The following KDM1B variants were observed in gnomAD, a reference collection of about 807,000 sequenced individuals.
KDM1B encodes the protein lysine demethylase 1B, also known as lysine-specific histone demethylase 2.
A neutral mutation model predicts 107.4 loss-of-function variants in KDM1B; 63 were observed. The ratio of observed to expected loss-of-function variants is 0.59; its 90% CI spans 0.48 to 0.72. KDM1B has a LOEUF of 0.72. Among genes scored for constraint, KDM1B ranks in the 30% least tolerant of loss-of-function variants. The pLI is 0.00. For missense variants in KDM1B, 749 were observed against 1,020.8 expected (o/e 0.73, Z 3.63); for synonymous variants, 363 against 363.9 (o/e 1.00, Z 0.03).
intron 2 of KDM1B, among the ~76,000 whole-genome samples, chr6:18,157,549 A>G (rs1165706969): frequency 6.6e-6 from 1 of 152,132 alleles, no homozygotes; most frequent in Non-Finnish European, 1.5e-5. Context: ...CCTAAACCAC[A>G]CATTTGACTT....
chr6:18,193,359 A>G (rs1334656952), intron 10 of KDM1B, among the ~76,000 whole-genome samples: 2 of 135,532 alleles, frequency 1.5e-5, no homozygotes, highest in Non-Finnish European at 1.5e-5. Context: ...GCTGGAGTAC[A>G]GTGGCACCAT....
chr6:18,194,458 C>T (rs973103409), intron 10 of KDM1B, among the ~76,000 whole-genome samples: 1 of 152,192 alleles, frequency 6.6e-6, no homozygotes, highest in Non-Finnish European at 1.5e-5. Context: ...GCACCTGCTG[C>T]AGTCGTTCTT....
intron 6 of KDM1B, among the ~76,000 whole-genome samples, chr6:18,168,513 G>C (rs1293597408): frequency 1.3e-5 from 2 of 152,078 alleles, no homozygotes; most frequent in Non-Finnish European, 2.9e-5. Flanking sequence ...TTCATCTATT[G>C]ATGGACATCT....
chr6:18,156,633 GTTGAATA>G (rs2150737741), intron 2 of KDM1B, among the ~76,000 whole-genome samples: 1 of 152,252 alleles, frequency 6.6e-6, no homozygotes, highest in Non-Finnish European at 1.5e-5. Flanking sequence ...TGAACTGCAT[GTTGAATA>G]TTGAATAATT....
chr6:18,184,736 C>CTTT lies in KDM1B; in HGVS notation c.535-1014_535-1012dup, dbSNP rs58897300. On this transcript the variant is annotated intron_variant, in intron 7 of 21. Coordinates refer to ENST00000650836, the MANE Select transcript of KDM1B (RefSeq NM_001364614.2). ...CTTTGGGTTGTTTCTAGCTTTTTTC[C>CTTT]TTTTTTTTTTTTTTTTTTTTTTTTA... Among the ~76,000 whole-genome samples, 52 of 65,458 alleles carry CTTT rather than the reference C, an allele frequency of 7.9e-4. 4 individuals carry two copies. Among genetic ancestry groups the CTTT allele is most frequent in the Admixed American group, 1.6e-3 (6 of 3,832 alleles). 42.9% of individuals were successfully genotyped at this position (65,458 alleles called of 152,430 possible).
intron 20 of KDM1B, among the ~76,000 whole-genome samples, chr6:18,215,598 C>T (rs141183012): frequency 6.6e-6 from 1 of 152,312 alleles, no homozygotes; most frequent in Non-Finnish European, 1.5e-5. Flanking sequence ...CGACGAAATA[C>T]AGTCACATTC....
chr6:18,162,502 C>T lies in KDM1B; in HGVS notation c.216-333C>T, dbSNP rs932529598. ...CCTCGCTGTTCAGTACTGGGCCCCACGTTATTCTCTCATGTCCACATATGC... is the reference window on the plus strand; with the variant it reads ...CCTCGCTGTTCAGTACTGGGCCCCATGTTATTCTCTCATGTCCACATATGC... On this transcript the variant is annotated intron_variant, in intron 4 of 21. Coordinates refer to ENST00000650836, the MANE Select transcript of KDM1B (RefSeq NM_001364614.2). The surrounding 1 kb of genome is among the most constrained non-coding windows in gnomAD (Gnocchi z 4.1). Among the ~76,000 whole-genome samples, 2 of 152,076 alleles carry T rather than the reference C, an allele frequency of 1.3e-5. No homozygotes were observed. Among genetic ancestry groups the T allele is most frequent in the Non-Finnish European group, 2.9e-5 (2 of 68,004 alleles).
chr6:18,210,368 T>TTTTTTTTTG (rs1788775775), intron 17 of KDM1B, among the ~76,000 whole-genome samples: 1 of 95,342 alleles, frequency 1.0e-5, no homozygotes, highest in Non-Finnish European at 2.2e-5. Context: ...TTTTTTTTTT[T>TTTTTTTTTG]TTTTGTTTTA....
At chr6:18,174,715 G>T (rs906534327) in intron 7 of KDM1B, among the ~76,000 whole-genome samples, 2 of 152,016 alleles carry the variant, frequency 1.3e-5, no homozygotes, top group Non-Finnish European at 2.9e-5. Flanking sequence ...TATGGTGTTT[G>T]GTTTTCCATT....
chr6:18,158,263 G>A (rs2150747347), intron 2 of KDM1B, among the ~76,000 whole-genome samples: 1 of 136,402 alleles, frequency 7.3e-6, no homozygotes, highest in African/African-American at 2.7e-5. Context: ...AATATTTATT[G>A]TTTCTGAGAA....
At position 18,191,701 on chromosome 6, in the gene KDM1B, G is replaced by T. The variant is rs1183569668; in HGVS notation, c.969+320G>T. On this transcript the variant is annotated intron_variant, in intron 10 of 21. Transcript: ENST00000650836. This position sits in a 1 kb window ranked among gnomAD's most constrained non-coding sequence, Gnocchi z 5.1. ...ACTTTAGACCACACATAGTCAGAAT[G>T]CTGACTCTCCAGTGGTGAGTATAAG... is the stretch of plus-strand genomic sequence containing the variant. 2.0e-5 allele frequency among the ~76,000 whole-genome samples: 3 copies of T among 152,180 alleles called. No individual in the cohort carries two copies. The highest frequency in any genetic ancestry group is 4.4e-5 in the Non-Finnish European group (3 of 68,034).
intron 2 of KDM1B, 85 bp downstream of exon 2, chr6:18,156,011 G>T (rs1473730398): frequency 6.6e-6 from 1 of 152,310 alleles, no homozygotes; most frequent in Non-Finnish European, 1.5e-5. Context: ...CTGGCACCGG[G>T]AGTTTGGGGC....
Position 18,191,161 on chromosome 6 carries a change from A to G in KDM1B, c.785-36A>G, listed in dbSNP as rs1325541791. The G allele has an allele frequency of 1.3e-6, 2 of 1,533,630 alleles. No homozygotes were observed. Among genetic ancestry groups the G allele is most frequent in the South Asian group, 2.4e-5 (2 of 82,472 alleles). On this transcript the variant is annotated intron_variant, in intron 9 of 21. Coordinates refer to ENST00000650836, the MANE Select transcript of KDM1B (RefSeq NM_001364614.2). The surrounding 1 kb of genome is among the most constrained non-coding windows in gnomAD (Gnocchi z 5.1). ...TAATTCTTCTGGATTTGGAAGTTACAGCTTGTAGGAGTTGCCCATTTGTGT... is the reference window on the plus strand; with the variant it reads ...TAATTCTTCTGGATTTGGAAGTTACGGCTTGTAGGAGTTGCCCATTTGTGT...
intron 10 of KDM1B, among the ~76,000 whole-genome samples, chr6:18,192,998 G>A (rs1371191131): frequency 6.6e-6 from 1 of 151,812 alleles, no homozygotes; most frequent in Non-Finnish European, 1.5e-5. Context: ...TTTGAGACCA[G>A]CCTGGCCAAC....
intron 3 of KDM1B, among the ~76,000 whole-genome samples, chr6:18,160,877 G>A (rs1784929211): frequency 7.0e-6 from 1 of 143,140 alleles, no homozygotes; most frequent in Non-Finnish European, 1.5e-5. Flanking sequence ...CCCCAGGCTG[G>A]AGTACAGTGA....
chr6:18,161,367 A>T lies in KDM1B; in HGVS notation c.128A>T (p.Asp43Val), dbSNP rs746467131. 4 of 1,614,066 alleles carry T rather than the reference A, an allele frequency of 2.5e-6. No homozygotes were observed. The highest frequency in any genetic ancestry group is 3.4e-6 in the Non-Finnish European group (4 of 1,179,968). The stretch of plus-strand genomic sequence containing the variant: ...ACAGAGACAACAGATGAGGATGAAG[A>T]TGGTGGCTCAGAGAAGAAGTACAGG... The part of the protein sequence containing the change: ...KATETTDEDE[D>V]GGSEKKYRKC... Residue 43 changes from aspartate (D) to valine (V), a missense_variant, in exon 4 of 22, where the codon GAT becomes GTT. Coordinates refer to ENST00000650836, the MANE Select transcript of KDM1B (RefSeq NM_001364614.2).
rs1787302916 is a variant in KDM1B, at chr6:18,191,877, T to C, written c.969+496T>C. ...ACCAGTACATTTCTTCTGTTGGGTC[T>C]AAATACATGTTAGGGCTGTCACACT... On this transcript the variant is annotated intron_variant, in intron 10 of 21. Coordinates refer to ENST00000650836, the MANE Select transcript of KDM1B (RefSeq NM_001364614.2). This position sits in a 1 kb window ranked among gnomAD's most constrained non-coding sequence, Gnocchi z 5.1. Among the ~76,000 whole-genome samples, 1 of 151,958 alleles carries C rather than the reference T, an allele frequency of 6.6e-6. No homozygotes were observed.
chr6:18,188,699 C>T (rs1207046), intron 9 of KDM1B, among the ~76,000 whole-genome samples: 13,404 of 152,044 alleles, frequency 0.088, 674 homozygotes, highest in South Asian at 0.22. Flanking sequence ...CTGCATCCTC[C>T]AGCTCCTGGG....
In KDM1B at chr6:18,213,559, CTTTG is replaced by C; in HGVS notation, c.1984-93_1984-90del. 1 of 1,279,162 alleles carries C rather than the reference CTTTG, an allele frequency of 7.8e-7. No homozygotes were observed. The highest frequency in any genetic ancestry group is 1.1e-6 in the Non-Finnish European group (1 of 893,752). 79.2% of individuals were successfully genotyped at this position (1,279,162 alleles called of 1,614,324 possible). A position where few individuals can be genotyped will look rare whatever the true frequency, so the allele number is the denominator to read the frequency against. On this transcript the variant is annotated intron_variant, in intron 18 of 21. Coordinates refer to ENST00000650836, the MANE Select transcript of KDM1B (RefSeq NM_001364614.2). The surrounding 1 kb of genome is among the most constrained non-coding windows in gnomAD (Gnocchi z 5.9). ...TTGGGGTTGTTCTTTCGGGCAGTGTCTTTGTTTTAGAGTAGAGCTACAGGTTGCT... is the reference window on the plus strand; with the variant it reads ...TTGGGGTTGTTCTTTCGGGCAGTGTCTTTTAGAGTAGAGCTACAGGTTGCT...
Sources: allele counts gnomAD v4.1 joint callset (sites outside exome capture counted in the v4.1 genomes callset), GRCh38; gene constraint gnomAD v4.1.1; non-coding constraint Gnocchi (gnomAD v3.1); transcripts MANE v1.5; gene names NCBI Gene and HGNC (gene_info 2026-07-23, HGNC 2026-07-21).